PTPN4: variants seen among roughly 807,000 people sequenced by gnomAD.
The protein encoded by PTPN4 is tyrosine-protein phosphatase non-receptor type 4.
A neutral mutation model predicts 135.5 loss-of-function variants in PTPN4; 49 were observed. The observed-to-expected ratio is 0.36, with a 90% CI of 0.29 to 0.46. PTPN4 has a LOEUF of 0.46. Among genes scored for constraint, PTPN4 ranks in the 20% least tolerant of loss-of-function variants. The probability of loss-of-function intolerance (pLI) is 1.00; values close to 1 mark genes in which losing one functional copy is unlikely to be tolerated. For missense variants in PTPN4, 860 were observed against 1,101.0 expected (o/e 0.78, Z 3.10); for synonymous variants, 333 against 369.9 (o/e 0.90, Z 1.14).
intron 12 of PTPN4, among the ~76,000 whole-genome samples, chr2:119,923,507 A>C (rs770869488): frequency 1.2e-4 from 18 of 152,332 alleles, no homozygotes; most frequent in Admixed American, 4.6e-4. Flanking sequence ...TCACATTGCC[A>C]TTCAAGTCCA....
intron 10 of PTPN4, among the ~76,000 whole-genome samples, chr2:119,911,299 A>G (rs1180067854): frequency 6.6e-6 from 1 of 152,176 alleles, no homozygotes; most frequent in Non-Finnish European, 1.5e-5. Context: ...ATGACAATTC[A>G]TCATGTTCAA....
chr2:119,898,674 G>A (rs1020637770), intron 9 of PTPN4, among the ~76,000 whole-genome samples: 1 of 151,988 alleles, frequency 6.6e-6, no homozygotes, highest in Admixed American at 6.6e-5. Context: ...AGCAAAATAA[G>A]GTATTTTAAA....
chr2:119,817,189 T>G (rs948155613), intron 2 of PTPN4, among the ~76,000 whole-genome samples: 1 of 152,238 alleles, frequency 6.6e-6, no homozygotes, highest in Non-Finnish European at 1.5e-5. Flanking sequence ...TTTATACTTT[T>G]GGCTTTTACA....
chr2:119,765,430 A>G (rs1308976058), intron 1 of PTPN4, among the ~76,000 whole-genome samples: 1 of 152,228 alleles, frequency 6.6e-6, no homozygotes, highest in South Asian at 2.1e-4. Context: ...TTTCTGTGCC[A>G]GATCTCTCTC....
intron 1 of PTPN4, among the ~76,000 whole-genome samples, chr2:119,784,511 C>T (rs966999241): frequency 8.6e-5 from 13 of 151,192 alleles, no homozygotes; most frequent in African/African-American, 2.9e-4. Flanking sequence ...CTCAGCCTCC[C>T]GAGTAGCTGG....
intron 1 of PTPN4, among the ~76,000 whole-genome samples, chr2:119,790,645 C>T (rs1201326936): frequency 1.3e-5 from 2 of 152,004 alleles, no homozygotes; most frequent in Non-Finnish European, 2.9e-5. Flanking sequence ...TTCTGCTCAT[C>T]TCTGCCTTTT....
At chr2:119,796,267 A>G (rs1691257243) in intron 1 of PTPN4, among the ~76,000 whole-genome samples, 1 of 152,216 alleles carries the variant, frequency 6.6e-6, no homozygotes, top group South Asian at 2.1e-4. Context: ...GTATACATCC[A>G]TTAAACCACC....
At chr2:119,970,410 A>T (rs781002248) in intron 26 of PTPN4, among the ~76,000 whole-genome samples, 1 of 151,500 alleles carries the variant, frequency 6.6e-6, no homozygotes, top group Non-Finnish European at 1.5e-5. Flanking sequence ...ACCCCAAAAA[A>T]CCCCAAGCTC....
chr2:119,833,377 T>A (rs1432130132), intron 2 of PTPN4, among the ~76,000 whole-genome samples: 1 of 152,212 alleles, frequency 6.6e-6, no homozygotes, highest in Non-Finnish European at 1.5e-5. Flanking sequence ...TGTATCTGCA[T>A]GCCAATCCAT....
chr2:119,865,583 T>C (rs1677820527), intron 3 of PTPN4, among the ~76,000 whole-genome samples: 1 of 151,920 alleles, frequency 6.6e-6, no homozygotes, highest in Non-Finnish European at 1.5e-5. Flanking sequence ...ATGCATAGGA[T>C]TTACAGAGTA....
Position 119,957,143 on chromosome 2 carries a change from C to CT in PTPN4, c.2133+71dup. ...ACGAGCCACTATGAACTTTGAGGTTCTTTTTGTTAAAATCCTGACCTGGAT... is the reference window on the plus strand; with the variant it reads ...ACGAGCCACTATGAACTTTGAGGTTCTTTTTTGTTAAAATCCTGACCTGGAT... On this transcript the variant is annotated intron_variant, in intron 22 of 26. Transcript: ENST00000263708. 3 of 1,416,358 alleles carry CT rather than the reference C, an allele frequency of 2.1e-6. No homozygotes were observed. The Admixed American group carries it at 6.4e-5, about 30-fold the overall frequency. 87.7% of individuals were successfully genotyped at this position (1,416,358 alleles called of 1,614,324 possible).
chr2:119,822,349 A>G (rs544286206), intron 2 of PTPN4, among the ~76,000 whole-genome samples: 18 of 136,438 alleles, frequency 1.3e-4, no homozygotes, highest in Admixed American at 6.9e-4. Context: ...GTGTATTAGT[A>G]TCCCCTCCCC....
At chr2:119,774,807 A>C (rs1690801068) in intron 1 of PTPN4, among the ~76,000 whole-genome samples, 1 of 152,106 alleles carries the variant, frequency 6.6e-6, no homozygotes, top group African/African-American at 2.4e-5. Flanking sequence ...CGGGCAGATC[A>C]CGAGGTCGGG....
intron 26 of PTPN4, among the ~76,000 whole-genome samples, chr2:119,970,134 G>A (rs554518078): frequency 2.6e-5 from 4 of 151,516 alleles, no homozygotes; most frequent in African/African-American, 9.7e-5. Context: ...ATCTCAGCTC[G>A]CCGCAACCTC....
At chr2:119,913,522 G>A (rs1005772903) in intron 10 of PTPN4, among the ~76,000 whole-genome samples, 4 of 152,118 alleles carry the variant, frequency 2.6e-5, no homozygotes, top group African/African-American at 9.7e-5. Context: ...AGATGCAGTG[G>A]CACACACCTA....
At chr2:119,790,895 TG>T (rs1269374378) in intron 1 of PTPN4, among the ~76,000 whole-genome samples, 2 of 152,172 alleles carry the variant, frequency 1.3e-5, no homozygotes, top group Non-Finnish European at 2.9e-5. Flanking sequence ...AACTATCTCA[TG>T]GGGGGAACTG....
rs1679432601 is a variant in PTPN4, at chr2:119,965,445, A to G, written c.2410-52A>G. 2.6e-6 allele frequency: 4 copies of G among 1,510,408 alleles called. No individual in the cohort carries two copies. The East Asian group carries it at 9.1e-5, about 34-fold the overall frequency. The allele number at this position is 1,510,408 out of a possible 1,614,324, so 93.6% of individuals were successfully genotyped here. A position where few individuals can be genotyped will look rare whatever the true frequency, so the allele number is the denominator to read the frequency against. The stretch of plus-strand genomic sequence containing the variant: ...GATGAATTTTATGAGGTTTGTAGGG[A>G]CAATTTCAATAATACATAAGTCAAG... On this transcript the variant is annotated intron_variant, in intron 24 of 26. Transcript: ENST00000263708.
At chr2:119,788,815 A>C (rs1489924872) in intron 1 of PTPN4, among the ~76,000 whole-genome samples, 2 of 152,206 alleles carry the variant, frequency 1.3e-5, no homozygotes, top group East Asian at 3.8e-4. Flanking sequence ...TATTTTGCTT[A>C]TCTCCTCAAT....
Position 119,975,622 on chromosome 2 carries a change from G to A in PTPN4, c.2695-1362G>A, listed in dbSNP as rs573157753. Among the ~76,000 whole-genome samples, 4 of 152,238 alleles carry A rather than the reference G, an allele frequency of 2.6e-5. 1 individual carries two copies. The highest frequency in any genetic ancestry group is 9.6e-5 in the African/African-American group (4 of 41,538). ...TGCCTGTAATCCCAGCTACTCCGGAGGCTGAGGCAGGAGACTCTCTTGAAC... is the reference window on the plus strand; with the variant it reads ...TGCCTGTAATCCCAGCTACTCCGGAAGCTGAGGCAGGAGACTCTCTTGAAC... On this transcript the variant is annotated intron_variant, in intron 26 of 26. Coordinates refer to ENST00000263708, the MANE Select transcript of PTPN4 (RefSeq NM_002830.4).
Sources: allele counts gnomAD v4.1 joint callset (sites outside exome capture counted in the v4.1 genomes callset), GRCh38; gene constraint gnomAD v4.1.1; transcripts MANE v1.5; gene names NCBI Gene and HGNC (gene_info 2026-07-23, HGNC 2026-07-21).